Variants in EYA4 observed in about 807,000 individuals in gnomAD.
EYA4 encodes the protein EYA transcriptional coactivator and phosphatase 4, also known as protein phosphatase EYA4.
Under a neutral mutation model 87.9 loss-of-function variants are expected in EYA4, and 31 were observed. The ratio of observed to expected loss-of-function variants is 0.35; its 90% confidence interval spans 0.27 to 0.48. The LOEUF (loss-of-function observed/expected upper bound fraction) is 0.48. Ranked by LOEUF, EYA4 falls within the 20% of genes least tolerant of loss-of-function variation. The pLI is 0.99. For synonymous variants in EYA4, 263 were observed against 270.6 expected, an observed-to-expected ratio of 0.97 and a Z score of 0.28; for missense variants, 678 against 761.4, an observed-to-expected ratio of 0.89 and a Z score of 1.29.
intron 3 of EYA4, among the ~76,000 whole-genome samples, chr6:133,437,612 G>T (rs183380176): frequency 6.6e-6 from 1 of 152,154 alleles, no homozygotes; most frequent in Non-Finnish European, 1.5e-5. Flanking sequence ...CCCAAGACTG[G>T]GTAATTTATA....
At position 133,359,564 on chromosome 6, in the gene EYA4, G is replaced by A. The variant is rs374804187; in HGVS notation, c.34-22828G>A. On this transcript the variant is annotated intron_variant, in intron 2 of 19. Transcript: ENST00000355286. Reference sequence around the variant, plus strand: ...CCAACATGTTTAGTTTATTAGGCACGTGTAAAGTAATAGCCAATGGCTTCT... The same window carrying A: ...CCAACATGTTTAGTTTATTAGGCACATGTAAAGTAATAGCCAATGGCTTCT... Among the ~76,000 whole-genome samples the A allele has an allele frequency of 2.6e-5, 4 of 152,168 alleles. No homozygotes were observed. The South Asian group carries it at 8.3e-4, about 32-fold the overall frequency.
In EYA4 at chr6:133,462,351, C is replaced by A; in HGVS notation, c.454C>A (p.Leu152Ile). The A allele has an allele frequency of 6.2e-7, 1 of 1,614,038 alleles. No individual in the cohort carries two copies. The highest frequency in any genetic ancestry group is 8.5e-7 in the Non-Finnish European group (1 of 1,179,916). The change falls in exon 8 of 20, where the codon CTT (leucine) becomes ATT (isoleucine). Residue 152 changes from leucine to isoleucine, a missense_variant. Physicochemically the swap from Leu to Ile is conservative, Grantham distance 5. Transcript: ENST00000355286. ...LYPSKPYPHI[L>I]STPAAQTMSA... ...GATATTTAGGCCCTATCCACACATT[C>A]TTTCTACACCAGCAGCTCAAACAAT...
At chr6:133,426,113 A>G (rs1790653455) in intron 3 of EYA4, among the ~76,000 whole-genome samples, 1 of 147,432 alleles carries the variant, frequency 6.8e-6, no homozygotes, top group African/African-American at 2.7e-5. Context: ...GCATACATGT[A>G]CATTTACAGA....
chr6:133,356,676 A>T (rs1784060452), intron 2 of EYA4, among the ~76,000 whole-genome samples: 1 of 151,886 alleles, frequency 6.6e-6, no homozygotes, highest in Admixed American at 6.6e-5. Context: ...AATGTGAAAG[A>T]GTTATGAGCA....
At chr6:133,281,916 C>T (rs1777660211) in intron 2 of EYA4, among the ~76,000 whole-genome samples, 4 of 152,068 alleles carry the variant, frequency 2.6e-5, no homozygotes, top group Admixed American at 2.6e-4. Flanking sequence ...TGATGGCCTC[C>T]AGCTGCATCC....
intron 3 of EYA4, among the ~76,000 whole-genome samples, chr6:133,400,991 C>T (rs1232514737): frequency 6.6e-6 from 1 of 152,090 alleles, no homozygotes. Context: ...GGAATCAACC[C>T]AAGTGCCCAT....
rs74910880 is a variant in EYA4, at chr6:133,313,952, A to C, written c.33+39139A>C. 2.6e-3 allele frequency among the ~76,000 whole-genome samples: 390 copies of C among 152,288 alleles called. 4 individuals carry two copies. The highest frequency in any genetic ancestry group is 9.0e-3 in the African/African-American group (373 of 41,570). The stretch of plus-strand genomic sequence containing the variant: ...TTGGTTAGAAATGGTCTGTCTTTTC[A>C]AAATAACTTCTATGTAATTAAAAAT... On this transcript the variant is annotated intron_variant, in intron 2 of 19. Transcript: ENST00000355286.
chr6:133,377,590 G>C (rs996554602), intron 2 of EYA4, among the ~76,000 whole-genome samples: 12 of 92,276 alleles, frequency 1.3e-4, no homozygotes, highest in Admixed American at 8.3e-4. Context: ...TTTTTTGGCT[G>C]TTTTTGGGGT....
intron 16 of EYA4, 113 bp from the exon 17 acceptor site, chr6:133,515,208 T>C (rs1243968590): frequency 2.7e-6 from 2 of 735,794 alleles, no homozygotes; most frequent in Non-Finnish European, 5.0e-6. Context: ...CTCTCTGCAT[T>C]TCTGATATAT....
rs1378777738 is a variant in EYA4, at chr6:133,456,583, C to G, written c.305C>G (p.Pro102Arg). The G allele has an allele frequency of 6.2e-7, 1 of 1,613,220 alleles. No homozygotes were observed. ...TCTCTTCTTGCAGTCAAAACAGAGC[C>G]CTTGAACAGCAGTGAAACCACAGCC... ...TMSLLAVKTE[P>R]LNSSETTATT... is the part of the protein sequence containing the mutation. Residue 102 changes from proline (P) to arginine (R), a missense_variant, in exon 6 of 20, where the codon CCC becomes CGC. By Grantham distance (103) the Pro-to-Arg change is moderately radical. Transcript: ENST00000355286.
At chr6:133,367,708 C>G (rs909558703) in intron 2 of EYA4, among the ~76,000 whole-genome samples, 1 of 151,952 alleles carries the variant, frequency 6.6e-6, no homozygotes, top group African/African-American at 2.4e-5. Context: ...AAGAATTTAC[C>G]CATAGTAAGG....
intron 3 of EYA4, among the ~76,000 whole-genome samples, chr6:133,432,150 C>T (rs1271670805): frequency 2.0e-5 from 3 of 152,102 alleles, no homozygotes; most frequent in African/African-American, 4.8e-5. Context: ...TATGCATTGT[C>T]ATCCCTCCTG....
At chr6:133,334,035 C>T (rs971205712) in intron 2 of EYA4, among the ~76,000 whole-genome samples, 2 of 152,064 alleles carry the variant, frequency 1.3e-5, no homozygotes, top group African/African-American at 2.4e-5. Context: ...CAATCTTGAC[C>T]ACTTAGTGTA....
intron 2 of EYA4, among the ~76,000 whole-genome samples, chr6:133,345,568 ATATT>A (rs1441546471): frequency 6.6e-6 from 1 of 152,206 alleles, no homozygotes; most frequent in Admixed American, 6.5e-5. Flanking sequence ...AGAAAACAGC[ATATT>A]TAGAGAGTAC....
intron 2 of EYA4, chr6:133,363,407 C>G (rs1290991408): frequency 1.3e-5 from 2 of 151,992 alleles, no homozygotes; most frequent in African/African-American, 2.4e-5. Context: ...GACGTTGAAA[C>G]AGGTATATTC....
intron 6 of EYA4, among the ~76,000 whole-genome samples, chr6:133,458,758 G>A (rs1794125267): frequency 6.6e-6 from 1 of 152,084 alleles, no homozygotes. Flanking sequence ...CCCATTGAGA[G>A]TCACCAATCT....
intron 13 of EYA4, among the ~76,000 whole-genome samples, chr6:133,494,236 C>T (rs1489432151): frequency 1.3e-5 from 2 of 152,278 alleles, no homozygotes; most frequent in Non-Finnish European, 2.9e-5. Context: ...GAGTACTATT[C>T]AGCCATAAAA....
chr6:133,478,313 C>G (rs1325519180), intron 11 of EYA4, among the ~76,000 whole-genome samples: 1 of 151,870 alleles, frequency 6.6e-6, no homozygotes, highest in Non-Finnish European at 1.5e-5. Flanking sequence ...TATGCATACC[C>G]AAGAAGAATT....
intron 2 of EYA4, among the ~76,000 whole-genome samples, chr6:133,298,443 CTGTGTGTGTGTGTATGTATA>C (rs1779111209): frequency 6.6e-6 from 1 of 151,756 alleles, no homozygotes; most frequent in East Asian, 1.9e-4. Flanking sequence ...ACAAGAAAAT[CTGTGTGTGTGTGTATGTATA>C]TGTGTGTGTG....
Sources: allele counts gnomAD v4.1 joint callset (sites outside exome capture counted in the v4.1 genomes callset), GRCh38; gene constraint gnomAD v4.1.1; transcripts MANE v1.5; gene names NCBI Gene and HGNC (gene_info 2026-07-23, HGNC 2026-07-21).